Variants in TBC1D19 observed in about 807,000 individuals in gnomAD.
TBC1D19 encodes the protein TBC1 domain family, member 19.
TBC1D19 carries 60 observed loss-of-function variants against 89.0 expected under a neutral mutation model. The observed-to-expected ratio is 0.67, with a 90% CI of 0.55 to 0.84. The LOEUF is 0.84. Ranked by LOEUF, TBC1D19 falls within the 40% of genes least tolerant of loss-of-function variation. TBC1D19 has a pLI of 0.00. For synonymous variants in TBC1D19, 189 were observed against 199.7 expected, an observed-to-expected ratio of 0.95 and a Z score of 0.45; for missense variants, 500 against 610.8, an observed-to-expected ratio of 0.82 and a Z score of 1.91.
At chr4:26,823,310 G>A in the TBC1D19 span, among the ~76,000 whole-genome samples, 4 of 152,184 alleles carry the variant, frequency 2.6e-5, no homozygotes, top group Non-Finnish European at 2.9e-5. Flanking sequence ...CAACACGTGG[G>A]CATTCAAGCT....
At chr4:26,834,134 G>A in the TBC1D19 span, among the ~76,000 whole-genome samples, 1 of 152,160 alleles carries the variant, frequency 6.6e-6, no homozygotes, top group South Asian at 2.1e-4. Flanking sequence ...GGATGTGCCT[G>A]CTTCCCCTTT....
chr4:26,696,781 G>A (rs1714828463), intron 13 of TBC1D19, among the ~76,000 whole-genome samples: 1 of 152,242 alleles, frequency 6.6e-6, no homozygotes, highest in South Asian at 2.1e-4. Context: ...CGAAATGAAG[G>A]CAGAAATAAA....
At chr4:26,636,271 A>G (rs1009509453) in intron 4 of TBC1D19, among the ~76,000 whole-genome samples, 4 of 152,064 alleles carry the variant, frequency 2.6e-5, no homozygotes, top group African/African-American at 9.7e-5. Context: ...AAAACATCAT[A>G]TGGCATTTTA....
At chr4:26,685,070 A>G (rs1285188140) in intron 12 of TBC1D19, among the ~76,000 whole-genome samples, 1 of 152,228 alleles carries the variant, frequency 6.6e-6, no homozygotes, top group East Asian at 1.9e-4. Flanking sequence ...AAAAGCAATC[A>G]TTGGTGGCCT....
At chr4:26,685,758 A>C (rs1560471110) in intron 12 of TBC1D19, among the ~76,000 whole-genome samples, 1 of 152,222 alleles carries the variant, frequency 6.6e-6, no homozygotes, top group African/African-American at 2.4e-5. Context: ...TTTGAGGTCA[A>C]ATTATTATGC....
chr4:26,829,827 A>G, the TBC1D19 span, among the ~76,000 whole-genome samples: 1 of 152,226 alleles, frequency 6.6e-6, no homozygotes, highest in Non-Finnish European at 1.5e-5. Context: ...ATGGCTGACC[A>G]TCTAGCAGTG....
At chr4:26,652,552 T>C (rs1207107861) in intron 7 of TBC1D19, among the ~76,000 whole-genome samples, 2 of 152,206 alleles carry the variant, frequency 1.3e-5, no homozygotes, top group Non-Finnish European at 2.9e-5. Context: ...GAGCCTGTTA[T>C]TGGTCTATTC....
intron 7 of TBC1D19, 134 bp downstream of exon 7, chr4:26,640,321 A>C: frequency 3.0e-6 from 2 of 664,220 alleles, no homozygotes; most frequent in Middle Eastern, 5.3e-4. Context: ...GAATGACATG[A>C]TCAGATCTGT....
intron 8 of TBC1D19, chr4:26,662,808 TAAG>T (rs1170168350): frequency 6.6e-6 from 1 of 152,134 alleles, no homozygotes. Context: ...AATCAAATGT[TAAG>T]GAGGAGTAAA....
At chr4:26,623,490 A>G (rs184756455) in intron 4 of TBC1D19, among the ~76,000 whole-genome samples, 16 of 152,306 alleles carry the variant, frequency 1.1e-4, no homozygotes, top group African/African-American at 3.6e-4. Context: ...TATTTTATAA[A>G]GAATATTCAG....
the TBC1D19 span, among the ~76,000 whole-genome samples, chr4:26,836,928 C>A: frequency 6.6e-6 from 1 of 152,214 alleles, no homozygotes; most frequent in African/African-American, 2.4e-5. Context: ...GAAATCAATT[C>A]ACTGTATCAA....
the TBC1D19 span, among the ~76,000 whole-genome samples, chr4:26,824,217 T>G: frequency 6.6e-6 from 1 of 152,060 alleles, no homozygotes; most frequent in African/African-American, 2.4e-5. Flanking sequence ...AGACGAGAGA[T>G]AAAGAGATGA....
intron 15 of TBC1D19, among the ~76,000 whole-genome samples, chr4:26,735,100 A>G (rs1328974714): frequency 6.6e-6 from 1 of 151,188 alleles, no homozygotes; most frequent in African/African-American, 2.4e-5. Flanking sequence ...ACACATGTAT[A>G]TATGTATATA....
intron 12 of TBC1D19, among the ~76,000 whole-genome samples, chr4:26,684,355 C>T (rs62412675): frequency 0.31 from 46,506 of 152,040 alleles, 8,659 homozygotes; most frequent in Non-Finnish European, 0.42. Context: ...AAGGTTTGAT[C>T]GGACTGGATC....
intron 9 of TBC1D19, among the ~76,000 whole-genome samples, chr4:26,668,157 G>A (rs1385146556): frequency 6.6e-6 from 1 of 151,618 alleles, no homozygotes; most frequent in African/African-American, 2.4e-5. Flanking sequence ...TTTATAAGAA[G>A]ATATAAAATA....
intron 1 of TBC1D19, among the ~76,000 whole-genome samples, chr4:26,578,320 C>T (rs1739011914): frequency 6.6e-6 from 1 of 152,190 alleles, no homozygotes; most frequent in Non-Finnish European, 1.5e-5. Context: ...ATATGGACAA[C>T]TTGCTAACTT....
chr4:26,734,999 TACAC>T (rs1281071625), intron 15 of TBC1D19, among the ~76,000 whole-genome samples: 65 of 139,432 alleles, frequency 4.7e-4, no homozygotes, highest in African/African-American at 1.4e-3. Flanking sequence ...TATATATGTA[TACAC>T]ATATGTATAT....
At chr4:26,795,852 C>A in the TBC1D19 span, among the ~76,000 whole-genome samples, 2 of 152,126 alleles carry the variant, frequency 1.3e-5, no homozygotes, top group African/African-American at 4.8e-5. Flanking sequence ...CAGAAACATA[C>A]AGTGAATATT....
rs1451290787 is a variant in TBC1D19, at chr4:26,739,906, A to G, written c.1160A>G (p.Tyr387Cys). 6.3e-7 allele frequency: 1 copy of G among 1,599,160 alleles called. No homozygotes were observed. Among genetic ancestry groups the G allele is most frequent in the Non-Finnish European group, 8.5e-7 (1 of 1,173,744 alleles). The change falls in exon 17 of 21, where the codon TAT becomes TGT. Residue 387 changes from tyrosine (Y) to cysteine (C), a missense_variant. Coordinates refer to ENST00000264866, the MANE Select transcript of TBC1D19 (RefSeq NM_018317.4). ...CTATACCATGAACCTTCCAAATTGT[A>G]TCAGATATTCCGTGAGATGTATGTG... ...CFLYHEPSKL[Y>C]QIFREMYVRF... is the part of the protein sequence containing the mutation.
Sources: allele counts gnomAD v4.1 joint callset (sites outside exome capture counted in the v4.1 genomes callset), GRCh38; gene constraint gnomAD v4.1.1; transcripts MANE v1.5; gene names NCBI Gene and HGNC (gene_info 2026-07-23, HGNC 2026-07-21).